ERI1: variants seen among roughly 807,000 people sequenced by gnomAD.
The protein encoded by ERI1 is 3'-5' exoribonuclease 1.
Under a neutral mutation model 39.7 loss-of-function variants are expected in ERI1, and 39 were observed. The ratio of observed to expected loss-of-function variants is 0.98; its 90% CI spans 0.76 to 1.28. The LOEUF is 1.28. ERI1 is among the 50% of genes most tolerant of loss of function. ERI1 has a pLI of 0.00. For synonymous variants in ERI1, 204 were observed against 149.6 expected, an observed-to-expected ratio of 1.36 and a Z score of -2.65; for missense variants, 581 against 416.9, an observed-to-expected ratio of 1.39 and a Z score of -3.43.
At chr8:9,018,004 C>A (rs989068777) in intron 4 of ERI1, among the ~76,000 whole-genome samples, 1 of 152,250 alleles carries the variant, frequency 6.6e-6, no homozygotes, top group East Asian at 1.9e-4. Flanking sequence ...TCTAGAAATC[C>A]AGTAAGCCGC....
intron 3 of ERI1, among the ~76,000 whole-genome samples, chr8:9,057,128 G>A (rs1032835425): frequency 4.6e-5 from 7 of 151,340 alleles, no homozygotes; most frequent in African/African-American, 7.3e-5. Context: ...CCACCACACC[G>A]GCCTGTTTTT....
chr8:9,056,379 C>G (rs533238304), intron 3 of ERI1, among the ~76,000 whole-genome samples: 1 of 152,186 alleles, frequency 6.6e-6, no homozygotes, highest in Non-Finnish European at 1.5e-5. Flanking sequence ...GACTTGCCCA[C>G]GTTGTTAAAC....
intron 1 of ERI1, among the ~76,000 whole-genome samples, chr8:9,005,416 C>G (rs1380238460): frequency 6.6e-6 from 1 of 152,040 alleles, no homozygotes; most frequent in Non-Finnish European, 1.5e-5. Context: ...AGCTCCGGTA[C>G]CCTTCCCAAT....
At chr8:9,014,762 A>T (rs544637261) in intron 3 of ERI1, among the ~76,000 whole-genome samples, 1 of 152,348 alleles carries the variant, frequency 6.6e-6, no homozygotes, top group South Asian at 2.1e-4. Flanking sequence ...TATCTGTGAT[A>T]TGCAGTTAAG....
chr8:9,037,037 C>G (rs981543278), downstream of ERI1, among the ~76,000 whole-genome samples: 7 of 152,166 alleles, frequency 4.6e-5, no homozygotes, highest in South Asian at 2.1e-4. Context: ...GCTACACAGA[C>G]TATTGCTAAA....
rs544119178 is a variant in ERI1 at position 9,039,033 on chromosome 8, T to C, written n.299+18569T>C. On this transcript the variant is annotated intron_variant and non_coding_transcript_variant, in intron 3 of 3. Transcript: ENST00000518663. ...TTGTTTATTTTTGTTGAAAACAGAA[T>C]TTTTGAAAGGTGCCTAACTTTTAGA... Among the ~76,000 whole-genome samples, 3 of 152,322 alleles carry C rather than the reference T, an allele frequency of 2.0e-5. No homozygotes were observed. The East Asian group carries it at 5.8e-4, about 29-fold the overall frequency.
rs762183271 is a variant in ERI1 at position 9,008,129 on chromosome 8, G to C, written c.268G>C (p.Glu90Gln). 6.9e-6 allele frequency: 11 copies of C among 1,591,372 alleles called. No homozygotes were observed. The South Asian group carries it at 1.2e-4, about 17-fold the overall frequency. ...GGAAGAACTCAGAGCTAAGCTTTCA[G>C]AATTCAAGCTTGAAACTAGGTAATT... is the stretch of plus-strand genomic sequence containing the variant. ...SKEELRAKLS[E>Q]FKLETRGVKD... is the part of the protein sequence containing the mutation. The change falls in exon 2 of 7, where the codon GAA becomes CAA. Residue 90 changes from glutamate (E) to glutamine (Q), a missense_variant. Physicochemically the swap from Glu to Gln is conservative, Grantham distance 29. Transcript: ENST00000250263.
intron 3 of ERI1, among the ~76,000 whole-genome samples, chr8:9,050,772 G>C (rs1165051935): frequency 6.6e-6 from 1 of 152,102 alleles, no homozygotes; most frequent in African/African-American, 2.4e-5. Flanking sequence ...TGGGAACTTA[G>C]GTCTATCCCA....
At chr8:9,070,599 A>G (rs534957340) in intron 3 of ERI1, among the ~76,000 whole-genome samples, 1 of 152,230 alleles carries the variant, frequency 6.6e-6, no homozygotes, top group South Asian at 2.1e-4. Flanking sequence ...TCATTTCCCA[A>G]CTACTTATTC....
chr8:9,072,704 G>T (rs916377480), intron 3 of ERI1, among the ~76,000 whole-genome samples: 1 of 151,832 alleles, frequency 6.6e-6, no homozygotes, highest in Non-Finnish European at 1.5e-5. Flanking sequence ...CACTATTTTT[G>T]ATCAATTCTT....
At chr8:9,049,829 C>A (rs1798300851) in intron 3 of ERI1, 1 of 152,236 alleles carries the variant, frequency 6.6e-6, no homozygotes. Flanking sequence ...GGAGAGATAA[C>A]CTAGTCATTC....
chr8:9,003,160 C>G lies in ERI1; in HGVS notation c.97C>G (p.Pro33Ala). 1 of 1,243,830 alleles carries G rather than the reference C, an allele frequency of 8.0e-7. No homozygotes were observed. Among genetic ancestry groups the G allele is most frequent in the Non-Finnish European group, 1.0e-6 (1 of 991,650 alleles). 77.0% of individuals were successfully genotyped at this position (1,243,830 alleles called of 1,614,324 possible). Reference protein sequence around the residue: ...RPEGGEEPPRPSPEETQQCKF... With the variant: ...RPEGGEEPPRASPEETQQCKF... ...GGAGGGCGGGGAGGAGCCGCCGCGT[C>G]CCAGTCCCGAGGTGAGGAGTCGACC... The change falls in exon 1 of 7, where the codon CCC (proline) becomes GCC (alanine). Residue 33 changes from proline to alanine, a missense_variant. Physicochemically the swap from Pro to Ala is conservative, Grantham distance 27. Transcript: ENST00000250263.
In ERI1 at chr8:9,032,890, A is replaced by G. The variant is rs1797689983; in HGVS notation, c.*2856A>G. On this transcript the variant is annotated 3_prime_UTR_variant, in exon 7 of 7. Coordinates refer to ENST00000250263, the MANE Select transcript of ERI1 (RefSeq NM_153332.4). ...GGTGCATTGTCAAAGTCTGAGAAGG[A>G]TGTATTGTACTTTGAAGGAAGACTT... is the stretch of plus-strand genomic sequence containing the variant. 6.6e-6 allele frequency: 1 copy of G among 152,190 alleles called. No individual in the cohort carries two copies. The allele number at this position is 152,190 out of a possible 1,614,324, so 9.4% of individuals were successfully genotyped here.
At chr8:9,012,099 A>T (rs1047401297) in intron 3 of ERI1, among the ~76,000 whole-genome samples, 1 of 152,176 alleles carries the variant, frequency 6.6e-6, no homozygotes, top group Non-Finnish European at 1.5e-5. Flanking sequence ...TAGTTCTCTG[A>T]TAGGGCCTCT....
chr8:9,081,061 A>AG (rs887447196), intron 3 of ERI1, among the ~76,000 whole-genome samples: 3 of 152,212 alleles, frequency 2.0e-5, no homozygotes, highest in Non-Finnish European at 4.4e-5. Context: ...TGGAAGGTGA[A>AG]GGGGAAGCAA....
At chr8:9,051,711 T>C (rs1798362422) in intron 3 of ERI1, among the ~76,000 whole-genome samples, 1 of 152,112 alleles carries the variant, frequency 6.6e-6, no homozygotes, top group East Asian at 1.9e-4. Context: ...TGGTCCTGCC[T>C]AGAACCACTT....
intron 3 of ERI1, among the ~76,000 whole-genome samples, chr8:9,098,642 T>C (rs978794757): frequency 3.3e-5 from 5 of 151,828 alleles, no homozygotes; most frequent in South Asian, 4.2e-4. Flanking sequence ...GGGCAATGGG[T>C]GCACCAAAAT....
intron 3 of ERI1, among the ~76,000 whole-genome samples, chr8:9,095,159 C>T (rs1421676147): frequency 6.6e-6 from 1 of 152,194 alleles, no homozygotes; most frequent in Non-Finnish European, 1.5e-5. Flanking sequence ...ATCTGGCACG[C>T]TGTAGGGCTT....
At chr8:9,080,811 G>C (rs1031617837) in intron 3 of ERI1, among the ~76,000 whole-genome samples, 1 of 152,136 alleles carries the variant, frequency 6.6e-6, no homozygotes, top group Non-Finnish European at 1.5e-5. Flanking sequence ...GCTAAATGGG[G>C]GGTGGAGGGC....
Sources: allele counts gnomAD v4.1 joint callset (sites outside exome capture counted in the v4.1 genomes callset), GRCh38; gene constraint gnomAD v4.1.1; transcripts MANE v1.5; gene names NCBI Gene and HGNC (gene_info 2026-07-23, HGNC 2026-07-21).